The following KCNJ16 variants were observed in gnomAD, a reference collection of about 807,000 sequenced individuals.
The protein encoded by KCNJ16 is inward rectifier potassium channel 16.
In KCNJ16, 15 loss-of-function variants were observed where a neutral mutation model predicts 18.5. The ratio of observed to expected loss-of-function variants is 0.81; its 90% CI spans 0.54 to 1.25. The LOEUF is 1.25. KCNJ16 is among the 50% of genes most tolerant of loss of function. The pLI is 0.00. For synonymous variants in KCNJ16, 174 were observed against 186.5 expected (o/e 0.93, Z 0.55); for missense variants, 523 against 525.7 (o/e 0.99, Z 0.05).
intron 2 of KCNJ16, chr17:70,108,250 T>A (rs1371914413): frequency 2.6e-5 from 4 of 152,232 alleles, no homozygotes; most frequent in African/African-American, 9.6e-5. Flanking sequence ...TATGCGAGTA[T>A]ATATCACCTT....
At chr17:70,103,285 T>TGTGTGTG (rs1555589087) in intron 2 of KCNJ16, among the ~76,000 whole-genome samples, 11 of 25,378 alleles carry the variant, frequency 4.3e-4, no homozygotes, top group Non-Finnish European at 6.3e-4. Flanking sequence ...AATATGCATA[T>TGTGTGTG]ATGTGTGTGT....
chr17:70,127,443 G>T (rs1367185723), intron 2 of KCNJ16, among the ~76,000 whole-genome samples: 2 of 83,916 alleles, frequency 2.4e-5, no homozygotes, highest in African/African-American at 1.0e-4. Flanking sequence ...TACGGCAAGG[G>T]CAAGAAGTTG....
intron 2 of KCNJ16, among the ~76,000 whole-genome samples, chr17:70,127,522 CCT>C (rs369820667): frequency 6.6e-6 from 1 of 151,504 alleles, no homozygotes; most frequent in African/African-American, 2.4e-5. Flanking sequence ...ACTCTTAATA[CCT>C]CTCTCTCTCT....
intron 1 of KCNJ16, among the ~76,000 whole-genome samples, chr17:70,095,984 A>C (rs12943184): frequency 6.7e-6 from 1 of 149,540 alleles, no homozygotes; most frequent in South Asian, 2.1e-4. Flanking sequence ...CCGGGTTCAC[A>C]CCATTCTCCT....
chr17:70,102,417 G>A (rs557694452), intron 2 of KCNJ16, among the ~76,000 whole-genome samples: 20 of 149,598 alleles, frequency 1.3e-4, no homozygotes, highest in Middle Eastern at 3.4e-3. Context: ...TAGTAGAGAC[G>A]GGGTTTCACC....
chr17:70,076,940 C>A (rs930422835), intron 1 of KCNJ16, among the ~76,000 whole-genome samples: 2 of 152,216 alleles, frequency 1.3e-5, no homozygotes, highest in Non-Finnish European at 2.9e-5. Context: ...TGGGAGCCAT[C>A]TTCAAAGCTA....
intron 1 of KCNJ16, among the ~76,000 whole-genome samples, chr17:70,089,333 G>C (rs1291623971): frequency 2.0e-5 from 3 of 152,066 alleles, no homozygotes; most frequent in Admixed American, 6.6e-5. Context: ...GGCCCCGTAA[G>C]TTTTTATTTT....
intron 2 of KCNJ16, among the ~76,000 whole-genome samples, chr17:70,109,157 T>A (rs1175776492): frequency 1.3e-5 from 2 of 152,174 alleles, no homozygotes; most frequent in African/African-American, 4.8e-5. Context: ...TATTAAGGCT[T>A]AAAACTTTAG....
chr17:70,123,584 G>A (rs1205529139), intron 2 of KCNJ16, among the ~76,000 whole-genome samples: 1 of 152,134 alleles, frequency 6.6e-6, no homozygotes, highest in Non-Finnish European at 1.5e-5. Context: ...TAGCTATTAT[G>A]CGCTTTCATT....
chr17:70,103,517 A>T (rs2072772081), intron 2 of KCNJ16, among the ~76,000 whole-genome samples: 1 of 151,334 alleles, frequency 6.6e-6, no homozygotes, highest in Non-Finnish European at 1.5e-5. Context: ...ACATGTCACA[A>T]TTTTTCCTCC....
Position 70,132,384 on chromosome 17 carries a change from T to C in KCNJ16, c.297T>C (p.His99=). The change falls in exon 4 of 4, where the codon CAT becomes CAC. Residue 99 remains histidine (H), a synonymous_variant. Coordinates refer to ENST00000392671, the MANE Select transcript of KCNJ16 (RefSeq NM_170741.4). The part of the protein sequence containing the change: ...GSVFWLIAFH[H]GDLLNDPDIT... ...TCTTTTGGCTCATAGCCTTTCATCA[T>C]GGCGATCTATTAAATGATCCAGACA... The C allele has an allele frequency of 1.2e-6, 2 of 1,614,218 alleles. No individual in the cohort carries two copies. The highest frequency in any genetic ancestry group is 1.7e-6 in the Non-Finnish European group (2 of 1,180,046).
intron 2 of KCNJ16, among the ~76,000 whole-genome samples, chr17:70,110,918 T>A (rs2073159239): frequency 6.6e-6 from 1 of 152,200 alleles, no homozygotes; most frequent in Non-Finnish European, 1.5e-5. Context: ...GGTGGAGGTC[T>A]GCTACAGTCA....
intron 2 of KCNJ16, among the ~76,000 whole-genome samples, chr17:70,118,249 G>A (rs1293146448): frequency 1.3e-5 from 2 of 151,936 alleles, no homozygotes; most frequent in Non-Finnish European, 2.9e-5. Flanking sequence ...TCACACACTG[G>A]GGCCTGTCGG....
Position 70,075,648 on chromosome 17 carries a change from GC to G in KCNJ16, c.-300+261del, listed in dbSNP as rs140068795. On this transcript the variant is annotated intron_variant, in intron 1 of 3. Transcript: ENST00000392671. ...TGGTGTTTACAGAGTCTGTTAAACAGCCCTTGCCTGCTATTATATTTGTAAA... is the reference window on the plus strand; with the variant it reads ...TGGTGTTTACAGAGTCTGTTAAACAGCCTTGCCTGCTATTATATTTGTAAA... 7.2e-5 allele frequency among the ~76,000 whole-genome samples: 11 copies of G among 152,236 alleles called. No individual in the cohort carries two copies. The East Asian group carries it at 2.1e-3, about 29-fold the overall frequency.
chr17:70,128,057 AGAG>A (rs1203245984), intron 2 of KCNJ16: 1 of 152,210 alleles, frequency 6.6e-6, no homozygotes, highest in African/African-American at 2.4e-5. Context: ...GCAATCTACA[AGAG>A]GAGTTTACCT....
In KCNJ16 at chr17:70,099,789, C is replaced by G. The variant is rs949844641; in HGVS notation, c.-299-869C>G. Among the ~76,000 whole-genome samples the G allele has an allele frequency of 2.0e-5, 3 of 152,200 alleles. No homozygotes were observed. In the East Asian group the frequency reaches 5.8e-4, roughly 29 times the overall value. On this transcript the variant is annotated intron_variant, in intron 1 of 3. Coordinates refer to ENST00000392671, the MANE Select transcript of KCNJ16 (RefSeq NM_170741.4). ...AATTCACACAAAAAAGTGACCCAAA[C>G]CAAAATCCTTATTAAGCCTCACTGT...
At chr17:70,089,111 A>T (rs1189784950) in intron 1 of KCNJ16, among the ~76,000 whole-genome samples, 1 of 152,200 alleles carries the variant, frequency 6.6e-6, no homozygotes, top group African/African-American at 2.4e-5. Context: ...ACAGGAATAC[A>T]AACAGGCAAA....
At chr17:70,131,387 G>A in intron 3 of KCNJ16, 4 of 1,031,950 alleles carry the variant, frequency 3.9e-6, no homozygotes, top group Non-Finnish European at 4.7e-6. Flanking sequence ...TGAGTTTAAT[G>A]TGAAGTAGTA....
At chr17:70,122,651 A>C (rs1176482935) in intron 2 of KCNJ16, among the ~76,000 whole-genome samples, 1 of 152,228 alleles carries the variant, frequency 6.6e-6, no homozygotes. Context: ...ATTTGAGCAG[A>C]AACAAGAGGA....
Sources: gnomAD v4.1 joint callset for allele counts (sites outside exome capture counted in the v4.1 genomes callset) on GRCh38, gnomAD v4.1.1 for gene constraint, MANE v1.5 for transcripts, NCBI Gene and HGNC (gene_info 2026-07-23, HGNC 2026-07-21) for gene names.